PLGRKT: variants seen among roughly 807,000 people sequenced by gnomAD.
PLGRKT encodes the protein plasminogen receptor (KT).
PLGRKT carries 22 observed loss-of-function variants against 18.5 expected under a neutral mutation model. The ratio of observed to expected loss-of-function variants is 1.19; its 90% CI spans 0.85 to 1.70. PLGRKT has a LOEUF of 1.70. PLGRKT is among the 40% of genes most tolerant of loss of function. PLGRKT has a pLI of 0.00. For missense variants in PLGRKT, 235 were observed against 174.4 expected (o/e 1.35, Z -1.96); for synonymous variants, 72 against 52.8 (o/e 1.36, Z -1.58).
Position 5,393,088 on chromosome 9 carries a change from C to T in PLGRKT, c.82-31200G>A, listed in dbSNP as rs538065817. On this transcript the variant is annotated intron_variant, in intron 3 of 5. Transcript: ENST00000223864. ...AACTTCTGACCTCAGGTGATCCACC[C>T]GCCTCAGCCTCCCAAAGTACTGGGA... 3.1e-4 allele frequency among the ~76,000 whole-genome samples: 47 copies of T among 151,804 alleles called. 1 individual carries two copies. Among genetic ancestry groups the T allele is most frequent in the African/African-American group, 1.0e-3 (43 of 41,180 alleles).
At chr9:5,393,199 C>A (rs114132979) in intron 3 of PLGRKT, among the ~76,000 whole-genome samples, 10,236 of 151,888 alleles carry the variant, frequency 0.067, 514 homozygotes, top group South Asian at 0.16. Context: ...CTTCACCCTG[C>A]CATTTTTATT....
intron 3 of PLGRKT, among the ~76,000 whole-genome samples, chr9:5,374,306 G>C (rs183410569): frequency 2.0e-5 from 3 of 152,106 alleles, no homozygotes; most frequent in Non-Finnish European, 4.4e-5. Context: ...TTCTGTTCTT[G>C]GTTTCTTCCC....
At chr9:5,422,736 T>C (rs1258008638) in intron 3 of PLGRKT, among the ~76,000 whole-genome samples, 1 of 152,140 alleles carries the variant, frequency 6.6e-6, no homozygotes, top group Non-Finnish European at 1.5e-5. Flanking sequence ...ATATTACAGG[T>C]AAATAGAAAT....
chr9:5,380,264 C>A (rs1817715371), intron 3 of PLGRKT, among the ~76,000 whole-genome samples: 1 of 151,316 alleles, frequency 6.6e-6, no homozygotes, highest in Admixed American at 6.6e-5. Context: ...ACTCGGGAGG[C>A]TGAGGCAGCA....
intron 3 of PLGRKT, among the ~76,000 whole-genome samples, chr9:5,415,990 C>G (rs1818451651): frequency 6.6e-6 from 1 of 150,808 alleles, no homozygotes. Context: ...AGTATTATAC[C>G]AATATTAATC....
At chr9:5,412,471 G>T (rs1418693983) in intron 3 of PLGRKT, among the ~76,000 whole-genome samples, 2 of 152,156 alleles carry the variant, frequency 1.3e-5, no homozygotes, top group African/African-American at 4.8e-5. Flanking sequence ...ATGAGAGTAG[G>T]TTTGTTATCA....
In PLGRKT at chr9:5,418,130, G is replaced by A. The variant is rs1274678936; in HGVS notation, c.81+13767C>T. On this transcript the variant is annotated intron_variant, in intron 3 of 5. Transcript: ENST00000223864. This position sits in a 1 kb window ranked among gnomAD's most constrained non-coding sequence, Gnocchi z 4.2. ...CCATTGAATACATGATTATGAGGAT[G>A]CATGCAATCATCTTCAAAGCTGTTG... Among the ~76,000 whole-genome samples, 4 of 152,166 alleles carry A rather than the reference G, an allele frequency of 2.6e-5. No individual in the cohort carries two copies. The highest frequency in any genetic ancestry group is 6.5e-5 in the Admixed American group (1 of 15,282).
At chr9:5,425,833 T>C (rs916181261) in intron 3 of PLGRKT, among the ~76,000 whole-genome samples, 1 of 152,206 alleles carries the variant, frequency 6.6e-6, no homozygotes, top group Non-Finnish European at 1.5e-5. Flanking sequence ...AGCTGTGATT[T>C]ATCTTTGTTT....
chr9:5,426,618 A>G (rs1818706801), intron 3 of PLGRKT, among the ~76,000 whole-genome samples: 1 of 152,166 alleles, frequency 6.6e-6, no homozygotes. Context: ...AAACCTAGTC[A>G]CCTTAAGCAA....
At chr9:5,435,535 G>C (rs1367805209) in intron 2 of PLGRKT, among the ~76,000 whole-genome samples, 7 of 152,132 alleles carry the variant, frequency 4.6e-5, no homozygotes. Flanking sequence ...AAAACATACA[G>C]ATACTTGAAT....
At chr9:5,394,716 GT>G (rs931216431) in intron 3 of PLGRKT, among the ~76,000 whole-genome samples, 1 of 151,504 alleles carries the variant, frequency 6.6e-6, no homozygotes, top group East Asian at 1.9e-4. Flanking sequence ...TGACAGGGAA[GT>G]TTTTTTTTAA....
In PLGRKT at chr9:5,418,655, C is replaced by A; in HGVS notation, c.81+13242G>T. The A allele has an allele frequency of 1.5e-6, 1 of 685,792 alleles. No homozygotes were observed. The highest frequency in any genetic ancestry group is 1.6e-5 in the South Asian group (1 of 64,112). The allele number at this position is 685,792 out of a possible 1,614,324, so 42.5% of individuals were successfully genotyped here. The stretch of plus-strand genomic sequence containing the variant: ...ATATCTCCGGGCAGCAGCGCGTGCT[C>A]CTTGGAGATGGGCAGGGGCAGCATG... On this transcript the variant is annotated intron_variant, in intron 3 of 5. Transcript: ENST00000223864. This position sits in a 1 kb window ranked among gnomAD's most constrained non-coding sequence, Gnocchi z 4.2.
At chr9:5,384,415 G>A (rs1817803790) in intron 3 of PLGRKT, among the ~76,000 whole-genome samples, 1 of 152,138 alleles carries the variant, frequency 6.6e-6, no homozygotes, top group Non-Finnish European at 1.5e-5. Flanking sequence ...TAGTAAAGAA[G>A]AAAAAGTCAG....
Position 5,430,269 on chromosome 9 carries a change from A to G in PLGRKT, c.81+1628T>C, listed in dbSNP as rs1426014993. Among the ~76,000 whole-genome samples, 3 of 152,342 alleles carry G rather than the reference A, an allele frequency of 2.0e-5. No homozygotes were observed. In the East Asian group the frequency reaches 5.8e-4, roughly 29 times the overall value. On this transcript the variant is annotated intron_variant, in intron 3 of 5. Transcript: ENST00000223864. Reference sequence around the variant, plus strand: ...CAGACCCTTCACAGACCCTGACTTCATGGGGACCAACATAAGAGTAAAAAC... The same window carrying G: ...CAGACCCTTCACAGACCCTGACTTCGTGGGGACCAACATAAGAGTAAAAAC...
intron 3 of PLGRKT, among the ~76,000 whole-genome samples, chr9:5,367,556 G>A (rs1388021414): frequency 6.6e-6 from 1 of 152,086 alleles, no homozygotes; most frequent in Non-Finnish European, 1.5e-5. Flanking sequence ...AATGAAAATG[G>A]ACCCCTACCT....
chr9:5,387,052 G>C (rs896001503), intron 3 of PLGRKT, among the ~76,000 whole-genome samples: 1 of 151,928 alleles, frequency 6.6e-6, no homozygotes, highest in African/African-American at 2.4e-5. Flanking sequence ...AAACTTTAAT[G>C]TGTGTGTGAA....
At chr9:5,413,587 G>C (rs1423425470) in intron 3 of PLGRKT, among the ~76,000 whole-genome samples, 1 of 152,208 alleles carries the variant, frequency 6.6e-6, no homozygotes, top group African/African-American at 2.4e-5. Context: ...GCCAAGGAAT[G>C]CAGGCAGCCT....
intron 3 of PLGRKT, among the ~76,000 whole-genome samples, chr9:5,385,615 G>C (rs753097877): frequency 1.3e-5 from 2 of 151,826 alleles, no homozygotes; most frequent in Middle Eastern, 3.4e-3. Flanking sequence ...CAGTACCTGT[G>C]TGTTTTGGAG....
At chr9:5,396,534 A>G (rs1818052378) in intron 3 of PLGRKT, among the ~76,000 whole-genome samples, 1 of 151,948 alleles carries the variant, frequency 6.6e-6, no homozygotes, top group Non-Finnish European at 1.5e-5. Context: ...ACCTCAGGTG[A>G]TCTGCCCACC....
Sources: allele counts gnomAD v4.1 joint callset (sites outside exome capture counted in the v4.1 genomes callset), GRCh38; gene constraint gnomAD v4.1.1; non-coding constraint Gnocchi (gnomAD v3.1); transcripts MANE v1.5; gene names NCBI Gene and HGNC (gene_info 2026-07-23, HGNC 2026-07-21).